Variants in KALRN observed in about 807,000 individuals in gnomAD.
KALRN encodes the protein kalirin.
KALRN carries 70 observed loss-of-function variants against 353.7 expected under a neutral mutation model. That is an observed-to-expected ratio of 0.20 (90% confidence interval 0.16 to 0.24). KALRN has a LOEUF of 0.24. Among genes scored for constraint, KALRN ranks in the 10% least tolerant of loss-of-function variants. The pLI is 1.00. For missense variants in KALRN, 2,791 were observed against 3,756.7 expected (o/e 0.74, Z 6.72); for synonymous variants, 1,391 against 1,434.8 (o/e 0.97, Z 0.69).
At chr3:124,714,471 C>T (rs1053493058) in intron 58 of KALRN, among the ~76,000 whole-genome samples, 1 of 152,206 alleles carries the variant, frequency 6.6e-6, no homozygotes, top group African/African-American at 2.4e-5. Flanking sequence ...GGGCTCACGT[C>T]CCAGCTCTGT....
intron 10 of KALRN, among the ~76,000 whole-genome samples, chr3:124,349,459 T>A (rs1046244543): frequency 1.4e-5 from 2 of 145,598 alleles, no homozygotes; most frequent in African/African-American, 4.9e-5. Context: ...TTTTTTGCAA[T>A]TTTTTTTTAG....
chr3:124,711,324 A>G (rs925223984), intron 57 of KALRN, among the ~76,000 whole-genome samples: 45 of 152,294 alleles, frequency 3.0e-4, no homozygotes, highest in African/African-American at 1.1e-3. Flanking sequence ...ACCTGGCCTT[A>G]TTAGCACATT....
chr3:124,087,221 A>C (rs1414684762), intron 1 of KALRN, among the ~76,000 whole-genome samples: 1 of 152,192 alleles, frequency 6.6e-6, no homozygotes, highest in Admixed American at 6.5e-5. Flanking sequence ...TTTTCTTCAA[A>C]ATCTTGGAGC....
intron 27 of KALRN, among the ~76,000 whole-genome samples, chr3:124,477,695 C>T (rs1264270441): frequency 6.6e-6 from 1 of 152,176 alleles, no homozygotes; most frequent in Non-Finnish European, 1.5e-5. Context: ...AAAGTGTGAT[C>T]CTTGGACCTC....
intron 47 of KALRN, among the ~76,000 whole-genome samples, 195 bp from the exon 48 acceptor site, chr3:124,671,465 C>T (rs1353717459): frequency 1.3e-5 from 2 of 152,244 alleles, no homozygotes; most frequent in African/African-American, 4.8e-5. Flanking sequence ...TGGCACCTCA[C>T]ATATGGCACC....
chr3:124,552,804 C>T (rs571608130), intron 33 of KALRN, among the ~76,000 whole-genome samples: 89 of 152,254 alleles, frequency 5.8e-4, no homozygotes, highest in African/African-American at 2.0e-3. Context: ...TCACTCTTGT[C>T]GCCCAGGCTG....
At chr3:124,650,680 T>C (rs1191029795) in intron 37 of KALRN, 128 bp from the exon 38 acceptor site, 1 of 898,440 alleles carries the variant, frequency 1.1e-6, no homozygotes, top group East Asian at 2.5e-5. Flanking sequence ...AGTGCTTCAC[T>C]GTGGTTTGGT....
intron 14 of KALRN, among the ~76,000 whole-genome samples, chr3:124,415,246 T>G (rs1183574115): frequency 6.6e-6 from 1 of 152,256 alleles, no homozygotes; most frequent in Non-Finnish European, 1.5e-5. Context: ...CATGCCCTGA[T>G]ATTCTGATTT....
At chr3:124,489,817 G>A (rs2062949400) in intron 29 of KALRN, among the ~76,000 whole-genome samples, 2 of 152,230 alleles carry the variant, frequency 1.3e-5, no homozygotes, top group African/African-American at 4.8e-5. Flanking sequence ...GGAGGTTGGA[G>A]GGTGGGCAGT....
chr3:124,633,198 C>A (rs938728003), intron 35 of KALRN, among the ~76,000 whole-genome samples: 19 of 152,224 alleles, frequency 1.2e-4, no homozygotes, highest in Admixed American at 1.2e-3. Context: ...GGTTTCCGCT[C>A]AAAGAAAAAG....
intron 36 of KALRN, 81 bp downstream of exon 36, chr3:124,634,034 T>C (rs2081079990): frequency 1.0e-6 from 1 of 991,250 alleles, no homozygotes; most frequent in South Asian, 1.4e-5. Context: ...GGGGTAGTCA[T>C]ACTCTTTCTC....
At chr3:124,671,633 G>C in intron 47 of KALRN, 27 bp from the exon 48 acceptor site, 1 of 1,543,098 alleles carries the variant, frequency 6.5e-7, no homozygotes, top group Non-Finnish European at 9.0e-7. Flanking sequence ...CCAAAGCTTA[G>C]AGTAACCACC....
intron 33 of KALRN, among the ~76,000 whole-genome samples, chr3:124,503,152 G>A (rs1477121097): frequency 6.6e-6 from 1 of 152,200 alleles, no homozygotes; most frequent in African/African-American, 2.4e-5. Context: ...ATTAGGGAGA[G>A]ATTATGCTGC....
intron 47 of KALRN, 93 bp downstream of exon 47, chr3:124,667,276 C>A (rs947105997): frequency 1.8e-6 from 2 of 1,139,582 alleles, no homozygotes; most frequent in South Asian, 1.9e-5. Context: ...GAGTTATGAA[C>A]CCAGATCACA....
At chr3:124,619,280 A>T (rs779465479) in intron 34 of KALRN, among the ~76,000 whole-genome samples, 4 of 152,122 alleles carry the variant, frequency 2.6e-5, no homozygotes, top group Non-Finnish European at 5.9e-5. Flanking sequence ...TTGTCTGTGT[A>T]TATAAATACA....
intron 33 of KALRN, among the ~76,000 whole-genome samples, chr3:124,541,937 G>C (rs1340471133): frequency 6.6e-6 from 1 of 151,372 alleles, no homozygotes; most frequent in Admixed American, 6.6e-5. Flanking sequence ...GGCCGAGATG[G>C]TGCCACTGCA....
intron 34 of KALRN, among the ~76,000 whole-genome samples, chr3:124,592,322 A>C (rs1409780672): frequency 2.0e-5 from 3 of 151,672 alleles, no homozygotes; most frequent in Non-Finnish European, 4.4e-5. Flanking sequence ...AAAAAAAAAA[A>C]AAAAAAAGAA....
At chr3:124,477,438 T>C (rs910562715) in intron 27 of KALRN, 104 bp downstream of exon 27, 1 of 887,260 alleles carries the variant, frequency 1.1e-6, no homozygotes, top group African/African-American at 1.7e-5. Flanking sequence ...TCCTAATTTT[T>C]CTTTACTGGC....
At chr3:124,040,782 C>T (rs2039883301) in intron 1 of KALRN, among the ~76,000 whole-genome samples, 1 of 152,224 alleles carries the variant, frequency 6.6e-6, no homozygotes, top group East Asian at 1.9e-4. Context: ...ACACTAGAAG[C>T]ACAAGAAATC....
Sources: gnomAD v4.1 joint callset for allele counts (sites outside exome capture counted in the v4.1 genomes callset) on GRCh38, gnomAD v4.1.1 for gene constraint, MANE v1.5 for transcripts, NCBI Gene and HGNC (gene_info 2026-07-23, HGNC 2026-07-21) for gene names.